CBLB: variants seen among roughly 807,000 people sequenced by gnomAD.
CBLB encodes the protein E3 ubiquitin-protein ligase CBL-B.
In CBLB, 31 loss-of-function variants were observed where a neutral mutation model predicts 104.9. The ratio of observed to expected loss-of-function variants is 0.30; its 90% CI spans 0.22 to 0.40. The LOEUF is 0.40. Among genes scored for constraint, CBLB ranks in the 10% least tolerant of loss-of-function variants. The probability of loss-of-function intolerance (pLI) is 1.00; values close to 1 mark genes in which losing one functional copy is unlikely to be tolerated. For synonymous variants in CBLB, 440 were observed against 422.6 expected (o/e 1.04, Z -0.51); for missense variants, 1,062 against 1,214.6 (o/e 0.87, Z 1.87).
intron 4 of CBLB, among the ~76,000 whole-genome samples, chr3:105,772,316 C>G (rs925789931): frequency 5.9e-5 from 9 of 152,044 alleles, no homozygotes; most frequent in African/African-American, 2.2e-4. Context: ...ACTGGCAGGC[C>G]ACATGTAGAA....
intron 3 of CBLB, among the ~76,000 whole-genome samples, chr3:105,811,840 G>T (rs939702171): frequency 3.9e-5 from 6 of 151,988 alleles, no homozygotes; most frequent in Admixed American, 2.0e-4. Context: ...CTCCCAAGTA[G>T]CTGGGATTAC....
intron 3 of CBLB, among the ~76,000 whole-genome samples, chr3:105,796,804 T>C (rs183715770): frequency 1.9e-3 from 286 of 152,258 alleles, no homozygotes; most frequent in African/African-American, 6.4e-3. Context: ...AAGACATACA[T>C]GCAACCAACA....
rs535351301 is a variant in CBLB at position 105,834,449 on chromosome 3, G to A, written c.419+18965C>T. Among the ~76,000 whole-genome samples the A allele has an allele frequency of 5.3e-5, 8 of 152,308 alleles. No individual in the cohort carries two copies. The South Asian group carries it at 1.7e-3, about 32-fold the overall frequency. On this transcript the variant is annotated intron_variant, in intron 3 of 18. Coordinates refer to ENST00000394030, the MANE Select transcript of CBLB (RefSeq NM_170662.5). ...AGGCGGGTGGATCACGAGGTCAGGA[G>A]ATGGAGACCATCCTGGCTAACACGG...
At chr3:105,825,235 G>A (rs577832320) in intron 3 of CBLB, among the ~76,000 whole-genome samples, 1 of 152,254 alleles carries the variant, frequency 6.6e-6, no homozygotes, top group East Asian at 1.9e-4. Context: ...TGGTTCTTCA[G>A]CTAATGCCAT....
intron 9 of CBLB, among the ~76,000 whole-genome samples, chr3:105,728,052 T>C (rs2073884463): frequency 6.6e-6 from 1 of 152,172 alleles, no homozygotes. Context: ...ATATGAAATT[T>C]AAAGTAGTTT....
At chr3:105,840,936 A>G (rs1333133037) in intron 3 of CBLB, among the ~76,000 whole-genome samples, 1 of 152,172 alleles carries the variant, frequency 6.6e-6, no homozygotes, top group African/African-American at 2.4e-5. Flanking sequence ...CTTGAAATGA[A>G]AAGTCTTTGT....
chr3:105,785,111 C>T (rs779752420), intron 3 of CBLB, among the ~76,000 whole-genome samples: 2 of 152,202 alleles, frequency 1.3e-5, no homozygotes, highest in Non-Finnish European at 2.9e-5. Context: ...TGTGTTTCAG[C>T]TCTATCAGCG....
At chr3:105,861,767 G>A (rs1007635817) in intron 2 of CBLB, among the ~76,000 whole-genome samples, 3 of 150,526 alleles carry the variant, frequency 2.0e-5, no homozygotes, top group African/African-American at 7.3e-5. Flanking sequence ...CAAGCTAACA[G>A]AACTCCCTTC....
chr3:105,769,219 G>A (rs1318703376), intron 4 of CBLB, among the ~76,000 whole-genome samples: 1 of 152,132 alleles, frequency 6.6e-6, no homozygotes, highest in African/African-American at 2.4e-5. Context: ...TTGGGAGGCT[G>A]AGGAGGGAGA....
chr3:105,783,869 C>T (rs959300813), intron 3 of CBLB, among the ~76,000 whole-genome samples: 1 of 152,050 alleles, frequency 6.6e-6, no homozygotes, highest in Non-Finnish European at 1.5e-5. Flanking sequence ...ATTTTGAAAC[C>T]TCCTGGAATT....
chr3:105,825,898 C>A (rs907323891), intron 3 of CBLB, among the ~76,000 whole-genome samples: 3 of 152,104 alleles, frequency 2.0e-5, no homozygotes, highest in African/African-American at 7.2e-5. Context: ...TTTTTATACT[C>A]GTATTTCATT....
chr3:105,804,246 C>T (rs776781303), intron 3 of CBLB, among the ~76,000 whole-genome samples: 1 of 151,898 alleles, frequency 6.6e-6, no homozygotes, highest in Non-Finnish European at 1.5e-5. Context: ...TAAAGCCGGG[C>T]GTGGTGGCTC....
intron 14 of CBLB, among the ~76,000 whole-genome samples, chr3:105,682,833 A>G (rs935531972): frequency 6.6e-6 from 1 of 152,190 alleles, no homozygotes; most frequent in African/African-American, 2.4e-5. Context: ...TCGGAATCAT[A>G]CTATGAACAC....
At chr3:105,680,537 GA>G (rs2066188062) in intron 16 of CBLB, among the ~76,000 whole-genome samples, 1 of 152,200 alleles carries the variant, frequency 6.6e-6, no homozygotes, top group Admixed American at 6.5e-5. Flanking sequence ...GGAAGGGAGA[GA>G]AAGACTGTAG....
At chr3:105,710,664 TAACA>T (rs1410148398) in intron 10 of CBLB, among the ~76,000 whole-genome samples, 1 of 151,972 alleles carries the variant, frequency 6.6e-6, no homozygotes, top group Admixed American at 6.6e-5. Flanking sequence ...TTTGTCTAAC[TAACA>T]ATTTCTCTTA....
chr3:105,779,120 C>A (rs1336499974), intron 3 of CBLB, among the ~76,000 whole-genome samples: 3 of 152,150 alleles, frequency 2.0e-5, no homozygotes, highest in African/African-American at 7.2e-5. Flanking sequence ...TGCACTCCAT[C>A]CCCTTGATTC....
chr3:105,702,469 CAG>C lies in CBLB; in HGVS notation c.1594-12_1594-11del, dbSNP rs764793856. 5 of 228,030 alleles carry C rather than the reference CAG, an allele frequency of 2.2e-5. No homozygotes were observed. In the African/African-American group the frequency reaches 3.1e-4, roughly 14 times the overall value. The allele number at this position is 228,030 out of a possible 1,614,324, so 14.1% of individuals were successfully genotyped here. On this transcript the variant is annotated splice_polypyrimidine_tract_variant and intron_variant, in intron 11 of 18. Transcript: ENST00000394030. ...CCATGCAAGGAGAAGACTAAAGAAA[CAG>C]AAGAGAAAAAAAAAAAAAAAAAAAA...
chr3:105,861,712 TACAC>T (rs147976333), intron 2 of CBLB, among the ~76,000 whole-genome samples: 5 of 138,974 alleles, frequency 3.6e-5, no homozygotes, highest in Non-Finnish European at 6.4e-5. Flanking sequence ...CACACATACA[TACAC>T]ACACACACAC....
At chr3:105,832,602 T>G (rs1336751402) in intron 3 of CBLB, among the ~76,000 whole-genome samples, 1 of 152,194 alleles carries the variant, frequency 6.6e-6, no homozygotes, top group Non-Finnish European at 1.5e-5. Flanking sequence ...TTCTCTGGCT[T>G]TATCACTATT....
Sources: allele counts gnomAD v4.1 joint callset (sites outside exome capture counted in the v4.1 genomes callset), GRCh38; gene constraint gnomAD v4.1.1; transcripts MANE v1.5; gene names NCBI Gene and HGNC (gene_info 2026-07-23, HGNC 2026-07-21).